The following BPIFA2 variants were observed in gnomAD, a reference collection of about 807,000 sequenced individuals.
BPIFA2 encodes BPI fold-containing family A member 2.
In BPIFA2, 20 loss-of-function variants were observed where a neutral mutation model predicts 25.7. The ratio of observed to expected loss-of-function variants is 0.78; its 90% CI spans 0.55 to 1.13. BPIFA2 has a LOEUF of 1.13. Ranked by LOEUF, BPIFA2 falls within the 50% of genes most tolerant of loss-of-function variation. The pLI, the probability that BPIFA2 is intolerant of heterozygous loss-of-function variation, is 0.00. For missense variants in BPIFA2, 300 were observed against 298.1 expected (o/e 1.01, Z -0.05); for synonymous variants, 126 against 124.3 (o/e 1.01, Z -0.09).
Position 33,180,546 on chromosome 20 carries a change from CA to C in BPIFA2, c.739del (p.Thr247ProfsTer8), listed in dbSNP as rs1447734110. 2.5e-6 allele frequency: 4 copies of C among 1,613,524 alleles called. 1 individual carries two copies. The highest frequency in any genetic ancestry group is 3.4e-6 in the Non-Finnish European group (4 of 1,179,554). On this transcript the variant is annotated frameshift_variant, in exon 8 of 9. Transcript: ENST00000354932. LOFTEE classifies it high-confidence loss of function. The part of the protein sequence containing the change: ...VDNPQHKTQL[Q>X]TLI ...TAATCCTCAGCACAAAACCCAGCTG[CA>C]AACCCTCATCTGAAGAGGACGAATG...
In BPIFA2 at chr20:33,172,917, G is replaced by C; in HGVS notation, c.158-15G>C. 1.2e-6 allele frequency: 2 copies of C among 1,611,340 alleles called. No homozygotes were observed. The highest frequency in any genetic ancestry group is 2.2e-5 in the South Asian group (2 of 90,602). On this transcript the variant is annotated splice_polypyrimidine_tract_variant and intron_variant, in intron 2 of 8. Coordinates refer to ENST00000354932, the MANE Select transcript of BPIFA2 (RefSeq NM_080574.4). ...TAAGTGGTGCGTGACACAAAATGGC[G>C]ATTGTTTTTGGCAGGCATCCTTGAG...
intron 3 of BPIFA2, 80 bp downstream of exon 3, chr20:33,173,156 A>G: frequency 1.3e-6 from 2 of 1,505,850 alleles, no homozygotes; most frequent in Admixed American, 1.9e-5. Flanking sequence ...TTTAAGATGA[A>G]AGACAGATGG....
rs1171056581 is a variant in BPIFA2, at chr20:33,169,161, A to T, written c.16A>T (p.Lys6Ter). The change falls in exon 2 of 9, where the codon AAA becomes TAA. Residue 6 changes from lysine (K) to a stop codon, truncating the protein, a stop_gained. Transcript: ENST00000354932. LOFTEE classifies it high-confidence loss of function. ...AAGACAAAAGATGCTTCAGCTTTGG[A>T]AACTTGTTCTCCTGTGCGGCGTGCT... is the stretch of plus-strand genomic sequence containing the variant. The part of the protein sequence containing the change: MLQLW[K>*]LVLLCGVLTG... The T allele has an allele frequency of 2.5e-6, 4 of 1,614,142 alleles. No individual in the cohort carries two copies. Among genetic ancestry groups the T allele is most frequent in the Non-Finnish European group, 3.4e-6 (4 of 1,179,972 alleles).
intron 7 of BPIFA2, 138 bp downstream of exon 7, chr20:33,179,805 C>CAA: frequency 2.3e-6 from 2 of 855,292 alleles, no homozygotes; most frequent in Non-Finnish European, 3.9e-6. Context: ...ATGGCTTCCC[C>CAA]TCCACAGGCA....
At chr20:33,171,233 T>C (rs1268033607) in intron 2 of BPIFA2, among the ~76,000 whole-genome samples, 7 of 152,148 alleles carry the variant, frequency 4.6e-5, no homozygotes, top group Non-Finnish European at 7.4e-5. Context: ...TTTGGTTCCA[T>C]ATGAAATTTA....
intron 2 of BPIFA2, among the ~76,000 whole-genome samples, chr20:33,170,922 A>G (rs1379032706): frequency 6.6e-6 from 1 of 152,204 alleles, no homozygotes; most frequent in Non-Finnish European, 1.5e-5. Context: ...AGGTGTAAGG[A>G]AGGGATCCAG....
At chr20:33,179,176 TC>T (rs1352201091) in intron 6 of BPIFA2, among the ~76,000 whole-genome samples, 3 of 152,100 alleles carry the variant, frequency 2.0e-5, no homozygotes, top group African/African-American at 7.2e-5. Context: ...ATGCCTGTAA[TC>T]CCAGCTCTTT....
At chr20:33,172,822 T>C (rs971074262) in intron 2 of BPIFA2, 110 bp from the exon 3 acceptor site, 17 of 1,211,124 alleles carry the variant, frequency 1.4e-5, no homozygotes, top group Admixed American at 2.7e-5. Flanking sequence ...CACTGAGTTG[T>C]TATAAAGATT....
rs754953342 is a variant in BPIFA2, at chr20:33,178,272, G to A, written c.645+44G>A. 4.9e-6 allele frequency: 7 copies of A among 1,442,390 alleles called. No homozygotes were observed. In the South Asian group the frequency reaches 7.2e-5, roughly 15 times the overall value. 89.3% of individuals were successfully genotyped at this position (1,442,390 alleles called of 1,614,324 possible). ...GGAGCCCAGATCCAGGCCTGGTGGG[G>A]GCAGGTGGGGGAATTTGCAGGCCTG... On this transcript the variant is annotated intron_variant, in intron 6 of 8. Transcript: ENST00000354932.
upstream of BPIFA2, among the ~76,000 whole-genome samples, chr20:33,166,171 C>T (rs1025036285): frequency 6.6e-6 from 1 of 152,102 alleles, no homozygotes; most frequent in East Asian, 1.9e-4. Context: ...TGCCTGCCCC[C>T]ACACCCGGCT....
At chr20:33,175,058 G>T (rs1399848126) in intron 4 of BPIFA2, among the ~76,000 whole-genome samples, 1 of 152,108 alleles carries the variant, frequency 6.6e-6, no homozygotes, top group African/African-American at 2.4e-5. Flanking sequence ...CTGTACCAAG[G>T]TTTCCTCATT....
intron 5 of BPIFA2, among the ~76,000 whole-genome samples, chr20:33,177,930 G>C (rs538196451): frequency 6.6e-6 from 1 of 152,268 alleles, no homozygotes; most frequent in South Asian, 2.1e-4. Flanking sequence ...AGGTCTCTGC[G>C]CTGAGAATCT....
intron 6 of BPIFA2, 119 bp from the exon 7 acceptor site, chr20:33,179,485 C>A: frequency 1.2e-6 from 1 of 800,092 alleles, no homozygotes; most frequent in Non-Finnish European, 2.1e-6. Context: ...TTCAAAGATT[C>A]TAAGATCCCT....
At chr20:33,173,946 A>G (rs1278536034) in intron 3 of BPIFA2, 133 bp from the exon 4 acceptor site, 2 of 662,822 alleles carry the variant, frequency 3.0e-6, no homozygotes, top group Non-Finnish European at 5.5e-6. Context: ...AAACCTCTGA[A>G]CAGGGCTATA....
At chr20:33,179,030 G>T (rs991114595) in intron 6 of BPIFA2, among the ~76,000 whole-genome samples, 2 of 152,138 alleles carry the variant, frequency 1.3e-5, no homozygotes, top group African/African-American at 4.8e-5. Flanking sequence ...TAACAATCTA[G>T]AATGTAGATT....
intron 2 of BPIFA2, among the ~76,000 whole-genome samples, chr20:33,172,256 G>A (rs372587066): frequency 6.6e-6 from 1 of 152,074 alleles, no homozygotes; most frequent in Non-Finnish European, 1.5e-5. Context: ...GGGGCAAGGT[G>A]GGGGAGAGAA....
upstream of BPIFA2, among the ~76,000 whole-genome samples, chr20:33,167,998 G>C (rs1983775393): frequency 6.6e-6 from 1 of 152,188 alleles, no homozygotes; most frequent in Admixed American, 6.5e-5. Context: ...CAAGCATCCT[G>C]GGTGACCTTT....
At chr20:33,177,874 G>A (rs1984135792) in intron 5 of BPIFA2, among the ~76,000 whole-genome samples, 1 of 152,188 alleles carries the variant, frequency 6.6e-6, no homozygotes, top group South Asian at 2.1e-4. Context: ...GGTTCCTGGT[G>A]CATAGCTGGT....
At chr20:33,180,369 T>C in intron 7 of BPIFA2, 151 bp from the exon 8 acceptor site, 2 of 811,046 alleles carry the variant, frequency 2.5e-6, no homozygotes, top group South Asian at 3.1e-5. Flanking sequence ...ACTTTACAGA[T>C]GAACAAACTG....
Sources: gnomAD v4.1 joint callset for allele counts (sites outside exome capture counted in the v4.1 genomes callset) on GRCh38, gnomAD v4.1.1 for gene constraint, MANE v1.5 for transcripts, NCBI Gene and HGNC (gene_info 2026-07-23, HGNC 2026-07-21) for gene names.